The following DACH2 variants were observed in gnomAD, a reference collection of about 807,000 sequenced individuals.
DACH2 encodes the protein dachshund family transcription factor 2, also known as dachshund homolog 2.
A neutral mutation model predicts 35.8 loss-of-function variants in DACH2; 17 were observed. The ratio of observed to expected loss-of-function variants is 0.48; its 90% CI spans 0.33 to 0.71. DACH2 has a LOEUF of 0.71. Among genes scored for constraint, DACH2 ranks in the 30% least tolerant of loss-of-function variants. The pLI, the probability that DACH2 is intolerant of heterozygous loss-of-function variation, is 0.02. For synonymous variants in DACH2, 195 were observed against 177.3 expected (o/e 1.10, Z -0.79); for missense variants, 469 against 472.7 (o/e 0.99, Z 0.07).
chrX:86,396,805 T>C (rs931436124), intron 2 of DACH2, among the ~76,000 whole-genome samples: 3 of 110,952 alleles, frequency 2.7e-5, no homozygotes, highest in African/African-American at 9.8e-5. Flanking sequence ...TGTAGTATAG[T>C]TTGAAGTCAG....
At chrX:86,599,378 CCTTT>C (rs1450714216) in intron 3 of DACH2, among the ~76,000 whole-genome samples, 2 of 108,001 alleles carry the variant, frequency 1.9e-5, no homozygotes, top group Non-Finnish European at 3.9e-5. Context: ...CCTTTCTTTC[CCTTT>C]CTTTCAGAAA....
intron 1 of DACH2, among the ~76,000 whole-genome samples, chrX:86,317,785 G>A (rs1276286396): frequency 9.0e-6 from 1 of 111,246 alleles, no homozygotes; most frequent in African/African-American, 3.3e-5. Flanking sequence ...AAATACCTGT[G>A]AATTGGGTAA....
At chrX:86,270,170 A>T (rs758089176) in intron 1 of DACH2, among the ~76,000 whole-genome samples, 7 of 107,936 alleles carry the variant, frequency 6.5e-5, no homozygotes, top group African/African-American at 2.3e-4. Flanking sequence ...TTCCAAATGG[A>T]TGTGTTTTGG....
chrX:86,660,678 G>A (rs779671955), intron 4 of DACH2, among the ~76,000 whole-genome samples: 7 of 111,162 alleles, frequency 6.3e-5, no homozygotes, highest in African/African-American at 2.3e-4. Context: ...ATAGTAATTT[G>A]CTTAATACAA....
chrX:86,382,889 T>G (rs771402932), intron 2 of DACH2, among the ~76,000 whole-genome samples: 1 of 111,105 alleles, frequency 9.0e-6, no homozygotes, highest in Admixed American at 9.6e-5. Context: ...CCACGTAAGT[T>G]GCTTTGGGCC....
chrX:86,234,763 A>T lies in DACH2; in HGVS notation c.488+85655A>T, dbSNP rs1251019452. Among the ~76,000 whole-genome samples, 6 of 109,225 alleles carry T rather than the reference A, an allele frequency of 5.5e-5. No individual in the cohort carries two copies. The South Asian group carries it at 2.4e-3, about 44-fold the overall frequency. The allele number at this position is 109,225 out of a possible 115,157, so 94.8% of individuals were successfully genotyped here. ...TGAATAGCTGGGATTATGTGTGTGC[A>T]CCACCATGCCTGCTAATTTTTGTAT... On this transcript the variant is annotated intron_variant, in intron 1 of 11. Coordinates refer to ENST00000373125, the MANE Select transcript of DACH2 (RefSeq NM_053281.3).
At chrX:86,376,147 GTGTA>G (rs1213520977) in intron 1 of DACH2, among the ~76,000 whole-genome samples, 3 of 96,933 alleles carry the variant, frequency 3.1e-5, no homozygotes, top group African/African-American at 1.2e-4. Flanking sequence ...CTGTGTGTGT[GTGTA>G]TGTGTGTGTG....
chrX:86,276,193 T>C (rs2033912898), intron 1 of DACH2, among the ~76,000 whole-genome samples: 1 of 112,026 alleles, frequency 8.9e-6, no homozygotes, highest in African/African-American at 3.2e-5. Flanking sequence ...CGCCAGCCTT[T>C]GTTATTGCCT....
At chrX:86,789,652 C>A (rs1016323166) in intron 7 of DACH2, among the ~76,000 whole-genome samples, 9 of 111,672 alleles carry the variant, frequency 8.1e-5, no homozygotes, top group African/African-American at 2.6e-4. Flanking sequence ...TATAGCTCTA[C>A]CTTGGTTCTA....
intron 2 of DACH2, among the ~76,000 whole-genome samples, chrX:86,484,772 G>A (rs2037993995): frequency 1.8e-5 from 2 of 111,987 alleles, no homozygotes; most frequent in Non-Finnish European, 3.8e-5. Context: ...TTATATGATA[G>A]ATACAGGAAA....
intron 1 of DACH2, chrX:86,161,080 G>C (rs1569286952): frequency 1.9e-6 from 2 of 1,075,777 alleles, no homozygotes; most frequent in African/African-American, 3.7e-5. Flanking sequence ...CCAGAAATTG[G>C]CACAAATGCT....
intron 1 of DACH2, among the ~76,000 whole-genome samples, chrX:86,340,025 A>C (rs1023888454): frequency 8.9e-6 from 1 of 111,921 alleles, no homozygotes; most frequent in African/African-American, 3.2e-5. Context: ...TTTTTTAAAA[A>C]GCTTTTGAAA....
intron 1 of DACH2, among the ~76,000 whole-genome samples, chrX:86,242,031 C>T (rs6623596): frequency 0.02 from 2,291 of 112,853 alleles, 62 homozygotes; most frequent in African/African-American, 0.067. Context: ...TCATGGAGAC[C>T]TCTACTACAG....
At chrX:86,561,644 G>A (rs1267766808) in intron 3 of DACH2, among the ~76,000 whole-genome samples, 3 of 27,674 alleles carry the variant, frequency 1.1e-4, no homozygotes, top group African/African-American at 1.7e-4. Flanking sequence ...GTAAACTATC[G>A]CAAGAACAAA....
intron 5 of DACH2, among the ~76,000 whole-genome samples, chrX:86,703,663 C>T (rs1040511097): frequency 4.5e-5 from 5 of 111,073 alleles, no homozygotes; most frequent in Non-Finnish European, 9.5e-5. Context: ...GAATGCAATC[C>T]CATTTAGGAT....
chrX:86,713,153 G>A (rs1047209888), intron 5 of DACH2, among the ~76,000 whole-genome samples: 2 of 111,031 alleles, frequency 1.8e-5, no homozygotes, highest in South Asian at 3.7e-4. Context: ...ATCAGGAGAC[G>A]GACCTCAAAT....
At chrX:86,378,314 G>A (rs1283539029) in intron 2 of DACH2, among the ~76,000 whole-genome samples, 1 of 110,102 alleles carries the variant, frequency 9.1e-6, no homozygotes, top group Non-Finnish European at 1.9e-5. Flanking sequence ...GAAAGTATAT[G>A]TATCAAGTCA....
chrX:86,275,190 C>T (rs961370402), intron 1 of DACH2, among the ~76,000 whole-genome samples: 1 of 111,812 alleles, frequency 8.9e-6, no homozygotes, highest in Non-Finnish European at 1.9e-5. Flanking sequence ...AAGCAATATA[C>T]TACAAGGGGT....
intron 1 of DACH2, among the ~76,000 whole-genome samples, chrX:86,330,178 G>A (rs188328130): frequency 1.3e-4 from 14 of 111,732 alleles, no homozygotes; most frequent in Non-Finnish European, 2.5e-4. Flanking sequence ...TCCTTCATAG[G>A]AATTGACACA....
Sources: gnomAD v4.1 joint callset for allele counts (sites outside exome capture counted in the v4.1 genomes callset) on GRCh38, gnomAD v4.1.1 for gene constraint, MANE v1.5 for transcripts, NCBI Gene and HGNC (gene_info 2026-07-23, HGNC 2026-07-21) for gene names.